PTPN3: variants seen among roughly 807,000 people sequenced by gnomAD.
The protein encoded by PTPN3 is tyrosine-protein phosphatase non-receptor type 3.
In PTPN3, 96 loss-of-function variants were observed where a neutral mutation model predicts 132.7. The ratio of observed to expected loss-of-function variants is 0.72; its 90% CI spans 0.61 to 0.86. The LOEUF is 0.86. PTPN3 is among the 40% of genes least tolerant of loss of function. The pLI is 0.00. For synonymous variants in PTPN3, 398 were observed against 429.0 expected, an observed-to-expected ratio of 0.93 and a Z score of 0.89; for missense variants, 1,125 against 1,159.6, an observed-to-expected ratio of 0.97 and a Z score of 0.43.
chr9:109,414,076 G>C (rs145031264), intron 14 of PTPN3, among the ~76,000 whole-genome samples: 6 of 152,182 alleles, frequency 3.9e-5, no homozygotes, highest in Non-Finnish European at 8.8e-5. Context: ...CAGGCACACA[G>C]GGAGTACTCA....
intron 1 of PTPN3, among the ~76,000 whole-genome samples, chr9:109,477,151 C>T (rs556942296): frequency 2.6e-5 from 4 of 152,280 alleles, no homozygotes; most frequent in Admixed American, 6.5e-5. Flanking sequence ...GGGAGGCAGA[C>T]GAATTACAGG....
At chr9:109,455,635 T>A (rs946400729) in intron 4 of PTPN3, among the ~76,000 whole-genome samples, 2 of 152,248 alleles carry the variant, frequency 1.3e-5, no homozygotes, top group African/African-American at 4.8e-5. Context: ...GAGAACAATG[T>A]CCTCCTGCTG....
the PTPN3 span, among the ~76,000 whole-genome samples, chr9:109,507,120 C>T: frequency 1.3e-5 from 2 of 152,172 alleles, no homozygotes; most frequent in Admixed American, 1.3e-4. Context: ...AAGGAAACAG[C>T]TGGAGGTCAA....
chr9:109,436,558 T>C (rs1844065941), intron 9 of PTPN3, among the ~76,000 whole-genome samples: 1 of 152,232 alleles, frequency 6.6e-6, no homozygotes, highest in Non-Finnish European at 1.5e-5. Flanking sequence ...TCTTGGCTCC[T>C]TAAACCGTCA....
At chr9:109,387,039 G>A (rs1008698170) in intron 22 of PTPN3, among the ~76,000 whole-genome samples, 4 of 152,196 alleles carry the variant, frequency 2.6e-5, no homozygotes, top group South Asian at 2.1e-4. Flanking sequence ...GGGTAAGACC[G>A]ATTCCAGGTT....
chr9:109,499,315 C>A (rs1228926342), upstream of PTPN3, among the ~76,000 whole-genome samples: 2 of 151,950 alleles, frequency 1.3e-5, no homozygotes, highest in Non-Finnish European at 2.9e-5. Context: ...TTGGGTGACA[C>A]TGAGAAGGTG....
chr9:109,434,033 C>T (rs898907429), intron 9 of PTPN3, among the ~76,000 whole-genome samples: 6 of 151,822 alleles, frequency 4.0e-5, no homozygotes, highest in African/African-American at 4.8e-5. Context: ...AAGACACAGC[C>T]GCTACAAGTT....
chr9:109,388,685 A>C (rs1276857991), intron 22 of PTPN3, among the ~76,000 whole-genome samples: 1 of 152,124 alleles, frequency 6.6e-6, no homozygotes, highest in Non-Finnish European at 1.5e-5. Flanking sequence ...AGGGCAACCA[A>C]CCCTTAGGGT....
At chr9:109,509,986 A>G in the PTPN3 span, among the ~76,000 whole-genome samples, 2 of 152,316 alleles carry the variant, frequency 1.3e-5, no homozygotes, top group South Asian at 4.1e-4. Context: ...CCACAAGGAA[A>G]TGGGGATAGA....
chr9:109,413,972 T>C (rs889822949), intron 14 of PTPN3, among the ~76,000 whole-genome samples: 2 of 152,036 alleles, frequency 1.3e-5, no homozygotes, highest in African/African-American at 2.4e-5. Context: ...CAAATTGTGG[T>C]GTGATGGAAC....
upstream of PTPN3, among the ~76,000 whole-genome samples, chr9:109,498,504 C>G (rs1296134654): frequency 6.6e-6 from 1 of 152,042 alleles, no homozygotes; most frequent in Non-Finnish European, 1.5e-5. The surrounding 1 kb of genome is among the most constrained non-coding windows in gnomAD (Gnocchi z 4.2). Flanking sequence ...TGAGTTCCCT[C>G]GCGCATGCAT....
At chr9:109,446,343 G>C (rs1418937446) in intron 6 of PTPN3, among the ~76,000 whole-genome samples, 1 of 152,318 alleles carries the variant, frequency 6.6e-6, no homozygotes, top group South Asian at 2.1e-4. Context: ...GCCCTCCAGG[G>C]GTTCCGCTTC....
In PTPN3 at chr9:109,391,561, G is replaced by C; in HGVS notation, c.1954C>G (p.Gln652Glu). 6.2e-7 allele frequency: 1 copy of C among 1,609,404 alleles called. No individual in the cohort carries two copies. Among genetic ancestry groups the C allele is most frequent in the Non-Finnish European group, 8.5e-7 (1 of 1,177,354 alleles). The part of the protein sequence containing the change: ...ESGTVLIQFE[Q>E]LYRKKPGLAI... ...AAACCTGGCTTTTTTCTGTAGAGTTGCTATGTGAGAAATAGAGAAAAAAGC... is the reference window on the plus strand; with the variant it reads ...AAACCTGGCTTTTTTCTGTAGAGTTCCTATGTGAGAAATAGAGAAAAAAGC... Residue 652 changes from glutamine (Q) to glutamate (E), a missense_variant and splice_region_variant, in exon 20 of 26, where the codon CAA (glutamine) becomes GAA (glutamate). By Grantham distance (29) the Gln-to-Glu change is conservative. Transcript: ENST00000374541.
chr9:109,467,905 G>T (rs776399020), intron 1 of PTPN3, among the ~76,000 whole-genome samples: 1 of 152,182 alleles, frequency 6.6e-6, no homozygotes, highest in Non-Finnish European at 1.5e-5. Flanking sequence ...TACATAAAGG[G>T]CTTGAAACCT....
chr9:109,491,199 C>CT (rs1847446235), intron 1 of PTPN3, among the ~76,000 whole-genome samples: 2 of 118,186 alleles, frequency 1.7e-5, no homozygotes, highest in Non-Finnish European at 3.7e-5. Context: ...CACTCTCTCT[C>CT]AAAAAAAAAA....
intron 19 of PTPN3, 90 bp downstream of exon 19, chr9:109,404,358 G>C: frequency 2.0e-6 from 2 of 981,732 alleles, no homozygotes; most frequent in Non-Finnish European, 2.8e-6. Flanking sequence ...ACAAGGGCTT[G>C]TGTCTCTGCC....
At chr9:109,464,834 C>A (rs1846017894) in intron 1 of PTPN3, among the ~76,000 whole-genome samples, 1 of 152,188 alleles carries the variant, frequency 6.6e-6, no homozygotes, top group African/African-American at 2.4e-5. Context: ...AGATTATCTG[C>A]TGCATGATTC....
In PTPN3 at chr9:109,457,370, A is replaced by G. The variant is rs766453791; in HGVS notation, c.168T>C (p.Asp56=). ...TCACACCCAGGTGGTTGTGCACCAT[A>G]TCCAGAAGAACCTGGCCAGTGTCTT... ...TKQDTGQVLL[D]MVHNHLGVTE... The change falls in exon 3 of 26, where the codon GAT becomes GAC. Residue 56 remains aspartate (D), a synonymous_variant. Transcript: ENST00000374541. 1.4e-5 allele frequency: 22 copies of G among 1,613,936 alleles called. No individual in the cohort carries two copies. The highest frequency in any genetic ancestry group is 1.7e-5 in the Admixed American group (1 of 59,986).
chr9:109,420,877 G>A (rs970316609), intron 13 of PTPN3, among the ~76,000 whole-genome samples: 1 of 152,134 alleles, frequency 6.6e-6, no homozygotes, highest in Non-Finnish European at 1.5e-5. Flanking sequence ...GGGAAGTGAC[G>A]GGTATTGACT....
Sources: gnomAD v4.1 joint callset for allele counts (sites outside exome capture counted in the v4.1 genomes callset) on GRCh38, gnomAD v4.1.1 for gene constraint, Gnocchi (gnomAD v3.1) non-coding constraint, MANE v1.5 for transcripts, NCBI Gene and HGNC (gene_info 2026-07-23, HGNC 2026-07-21) for gene names.